The following RGPD6 variants were observed in gnomAD, a reference collection of about 807,000 sequenced individuals.
The protein encoded by RGPD6 is RANBP2 like and GRIP domain containing 6, also known as RANBP2-like and GRIP domain-containing protein 5/6.
chr2:110,599,052 GCTAA>G, the RGPD6 span, among the ~76,000 whole-genome samples: 1 of 134,270 alleles, frequency 7.4e-6, no homozygotes. Flanking sequence ...TCCCAGCCTG[GCTAA>G]CTCTTATCCT....
the RGPD6 span, among the ~76,000 whole-genome samples, chr2:110,596,956 T>C: frequency 1.1e-5 from 1 of 89,528 alleles, no homozygotes; most frequent in Admixed American, 1.4e-4. Flanking sequence ...ATATATAATA[T>C]ATATAATATA....
At chr2:110,606,929 C>A in the RGPD6 span, among the ~76,000 whole-genome samples, 1 of 151,690 alleles carries the variant, frequency 6.6e-6, no homozygotes, top group African/African-American at 2.4e-5. Flanking sequence ...GTCTTAATTT[C>A]CTCACTTGAC....
the RGPD6 span, among the ~76,000 whole-genome samples, chr2:110,596,917 C>CAT: frequency 1.7e-3 from 226 of 133,756 alleles, 3 homozygotes; most frequent in South Asian, 2.9e-3. Flanking sequence ...CATTTACATA[C>CAT]ATATATATAT....
chr2:110,604,283 T>A, the RGPD6 span, among the ~76,000 whole-genome samples: 1 of 134,898 alleles, frequency 7.4e-6, no homozygotes. Flanking sequence ...CTTCCTTGTT[T>A]ATGAAAAAGA....
the RGPD6 span, among the ~76,000 whole-genome samples, chr2:110,589,825 T>A: frequency 1.6e-5 from 1 of 63,176 alleles, no homozygotes; most frequent in Non-Finnish European, 3.0e-5. Context: ...GGAATAGAGT[T>A]CTTACAGTTC....
chr2:110,607,912 CTCTT>C, the RGPD6 span, among the ~76,000 whole-genome samples: 19 of 133,314 alleles, frequency 1.4e-4, no homozygotes, highest in South Asian at 2.6e-4. Context: ...AGGGCTCTCT[CTCTT>C]TGTTATTTTA....
chr2:110,605,089 C>T, the RGPD6 span, among the ~76,000 whole-genome samples: 1 of 151,712 alleles, frequency 6.6e-6, no homozygotes, highest in Non-Finnish European at 1.5e-5. Flanking sequence ...CCCAAGTTCT[C>T]GGCGCCCTGA....
the RGPD6 span, among the ~76,000 whole-genome samples, chr2:110,602,475 TGAGA>T: frequency 1.5e-5 from 1 of 65,774 alleles, no homozygotes; most frequent in Non-Finnish European, 3.2e-5. Context: ...CAGGGGTTAC[TGAGA>T]GATTCTCCAC....
chr2:110,596,862 C>T, the RGPD6 span, among the ~76,000 whole-genome samples: 1 of 137,516 alleles, frequency 7.3e-6, no homozygotes, highest in Non-Finnish European at 1.5e-5. Flanking sequence ...CAGAATAAAT[C>T]TCAAGATGTT....
the RGPD6 span, among the ~76,000 whole-genome samples, chr2:110,605,760 G>T: frequency 1.3e-5 from 2 of 151,108 alleles, no homozygotes; most frequent in Non-Finnish European, 2.9e-5. Flanking sequence ...ATCCCTCCCT[G>T]CCTGTTAGCC....
chr2:110,601,637 AG>A, the RGPD6 span, among the ~76,000 whole-genome samples: 1 of 146,400 alleles, frequency 6.8e-6, no homozygotes, highest in Non-Finnish European at 1.5e-5. Flanking sequence ...CTGAAGGAAG[AG>A]TTAGAACAGT....
At chr2:110,591,569 G>A in the RGPD6 span, among the ~76,000 whole-genome samples, 24 of 148,694 alleles carry the variant, frequency 1.6e-4, no homozygotes, top group African/African-American at 5.7e-4. Context: ...GTCACATGAC[G>A]TAAAACATCT....
chr2:110,589,482 T>C, the RGPD6 span, among the ~76,000 whole-genome samples: 1 of 152,200 alleles, frequency 6.6e-6, no homozygotes, highest in South Asian at 2.1e-4. Context: ...ATTTTTCATT[T>C]AGCAGTTGTG....
the RGPD6 span, among the ~76,000 whole-genome samples, chr2:110,603,830 C>T: frequency 6.8e-6 from 1 of 146,788 alleles, no homozygotes; most frequent in Non-Finnish European, 1.5e-5. Flanking sequence ...TCCCACTTCC[C>T]AGCTAAATGC....
the RGPD6 span, chr2:110,610,950 G>A: frequency 1.1e-6 from 1 of 894,732 alleles, no homozygotes; most frequent in Non-Finnish European, 1.3e-6. Context: ...CTCCGGGCCG[G>A]CCGGGCTGGC....
the RGPD6 span, among the ~76,000 whole-genome samples, chr2:110,601,070 T>C: frequency 6.6e-6 from 1 of 151,678 alleles, no homozygotes; most frequent in Non-Finnish European, 1.5e-5. Flanking sequence ...TCTGAGCTTC[T>C]ATTTTAGTAA....
At chr2:110,591,446 TA>T in the RGPD6 span, among the ~76,000 whole-genome samples, 6,065 of 141,308 alleles carry the variant, frequency 0.043, 142 homozygotes, top group Admixed American at 0.093. Flanking sequence ...TTCTTAAAAC[TA>T]AAAAAAAAAA....
the RGPD6 span, among the ~76,000 whole-genome samples, chr2:110,604,627 C>G: frequency 6.6e-6 from 1 of 151,336 alleles, no homozygotes; most frequent in Non-Finnish European, 1.5e-5. Context: ...ATATTAAAAT[C>G]GTCTTTTATG....
chr2:110,594,350 A>G, the RGPD6 span, among the ~76,000 whole-genome samples: 1 of 102,364 alleles, frequency 9.8e-6, no homozygotes, highest in Admixed American at 1.1e-4. Flanking sequence ...CTTTCCTTTC[A>G]AGATGAGAAA....
Sources: gnomAD v4.1 joint callset for allele counts (sites outside exome capture counted in the v4.1 genomes callset) on GRCh38, gnomAD v4.1.1 for gene constraint, MANE v1.5 for transcripts, NCBI Gene and HGNC (gene_info 2026-07-23, HGNC 2026-07-21) for gene names.